PPRC1: variants seen among roughly 807,000 people sequenced by gnomAD.
PPRC1 encodes peroxisome proliferator-activated receptor gamma coactivator-related protein 1.
Under a neutral mutation model 132.5 loss-of-function variants are expected in PPRC1, and 23 were observed. The observed-to-expected ratio is 0.17, with a 90% CI of 0.12 to 0.25. PPRC1 has a LOEUF of 0.25. PPRC1 is among the 10% of genes least tolerant of loss of function. PPRC1 has a pLI of 1.00. For missense variants in PPRC1, 2,006 were observed against 2,089.1 expected, an observed-to-expected ratio of 0.96 and a Z score of 0.78; for synonymous variants, 872 against 833.5, an observed-to-expected ratio of 1.05 and a Z score of -0.80.
At chr10:102,137,744 C>T (rs901218965) in intron 1 of PPRC1, 106 bp from the exon 2 acceptor site, 6 of 1,095,866 alleles carry the variant, frequency 5.5e-6, no homozygotes, top group Non-Finnish European at 7.7e-6. Context: ...GACAGTGTTG[C>T]TGCTGCTGAG....
chr10:102,149,557 C>T (rs952584465), intron 13 of PPRC1, among the ~76,000 whole-genome samples: 1 of 152,044 alleles, frequency 6.6e-6, no homozygotes, highest in Non-Finnish European at 1.5e-5. Context: ...ATGATGAAAC[C>T]CCATCTCTAC....
At position 102,146,787 on chromosome 10, in the gene PPRC1, T is replaced by C; in HGVS notation, c.3795T>C (p.Pro1265=). 6.2e-7 allele frequency: 1 copy of C among 1,613,860 alleles called. No individual in the cohort carries two copies. The highest frequency in any genetic ancestry group is 1.1e-5 in the South Asian group (1 of 91,072). Residue 1265 remains proline (P), a synonymous_variant, in exon 9 of 14, where the codon CCT becomes CCC. Coordinates refer to ENST00000278070, the MANE Select transcript of PPRC1 (RefSeq NM_015062.5). Reference sequence around the variant, plus strand: ...CCGCCCAGGAGGGAACCCTGAAGCCTGAAGGAGTTACGGAGGCCAAACATC... The same window carrying C: ...CCGCCCAGGAGGGAACCCTGAAGCCCGAAGGAGTTACGGAGGCCAAACATC... ...KSTAQEGTLK[P]EGVTEAKHPA... is the part of the protein sequence containing the mutation.
At chr10:102,129,269 A>C (rs2068507647), upstream of PPRC1, among the ~76,000 whole-genome samples, 1 of 152,088 alleles carries the variant, frequency 6.6e-6, no homozygotes, top group Admixed American at 6.6e-5. Flanking sequence ...TAATCAGATG[A>C]GTCTTTGGCG....
chr10:102,130,474 G>A (rs558739368), upstream of PPRC1, among the ~76,000 whole-genome samples: 407 of 141,226 alleles, frequency 2.9e-3, 1 homozygote, highest in African/African-American at 0.01. Flanking sequence ...AGTGGCTCAC[G>A]CCCGTAATCC....
intron 7 of PPRC1, chr10:102,144,680 T>A (rs2069141367): frequency 6.5e-6 from 3 of 461,644 alleles, no homozygotes; most frequent in Non-Finnish European, 3.9e-6. Flanking sequence ...TAGGAGTCAT[T>A]TTTCATGTTC....
chr10:102,146,924 C>G lies in PPRC1; in HGVS notation c.3932C>G (p.Ala1311Gly). Residue 1311 changes from alanine (A) to glycine (G), a missense_variant, in exon 9 of 14, where the codon GCC (alanine) becomes GGC (glycine). Physicochemically the swap from Ala to Gly is moderately conservative, Grantham distance 60. This residue lies in a region of PPRC1 where 1,914 missense variants were observed against 1,917.2 expected (regional missense o/e 1.00). Coordinates refer to ENST00000278070, the MANE Select transcript of PPRC1 (RefSeq NM_015062.5). Reference sequence around the variant, plus strand: ...AGGACCCCCCCAAAAAAGATGCCTGCCCTAGTCATTCCAGAGGTGGGCTCC... The same window carrying G: ...AGGACCCCCCCAAAAAAGATGCCTGGCCTAGTCATTCCAGAGGTGGGCTCC... ...RSRTPPKKMP[A>G]LVIPEVGSRW... The G allele has an allele frequency of 1.2e-6, 2 of 1,614,106 alleles. No homozygotes were observed.
the PPRC1 span, among the ~76,000 whole-genome samples, chr10:102,123,397 A>AG: frequency 8.1e-5 from 12 of 147,712 alleles, no homozygotes; most frequent in East Asian, 2.0e-4. Context: ...GTCTATGTGG[A>AG]GGGGGGGTCT....
Position 102,137,833 on chromosome 10 carries a change from C to T in PPRC1, c.154-17C>T, listed in dbSNP as rs1372132677. Reference sequence around the variant, plus strand: ...GCCAGAGAGCTCATACCCTTCTCACCTTCTTCTCTGCTCCAGGTGCTGCTG... The same window carrying T: ...GCCAGAGAGCTCATACCCTTCTCACTTTCTTCTCTGCTCCAGGTGCTGCTG... On this transcript the variant is annotated splice_polypyrimidine_tract_variant and intron_variant, in intron 1 of 13. Coordinates refer to ENST00000278070, the MANE Select transcript of PPRC1 (RefSeq NM_015062.5). 1.9e-6 allele frequency: 3 copies of T among 1,610,886 alleles called. No individual in the cohort carries two copies. The highest frequency in any genetic ancestry group is 2.5e-6 in the Non-Finnish European group (3 of 1,178,554).
intron 7 of PPRC1, chr10:102,144,761 G>A (rs1156570069): frequency 1.9e-6 from 1 of 526,212 alleles, no homozygotes; most frequent in African/African-American, 1.9e-5. Context: ...GAGCTGGGCA[G>A]GTGAGACTCG....
In PPRC1 at chr10:102,147,312, ATCTTCCTCATCCTCATCATCG is replaced by A; in HGVS notation, c.4333_4353del (p.Ser1445_Ser1451del). The A allele has an allele frequency of 5.0e-6, 8 of 1,612,448 alleles. No homozygotes were observed. Among genetic ancestry groups the A allele is most frequent in the Non-Finnish European group, 6.8e-6 (8 of 1,180,016 alleles). On this transcript the variant is annotated inframe_deletion, in exon 9 of 14. Transcript: ENST00000278070. ...CTGGGTCCAACCGGACTAGCGAAGC[ATCTTCCTCATCCTCATCATCG>A]TCTTCCTCATCCCGATCTCGGTCCA...
At position 102,139,123 on chromosome 10, in the gene PPRC1, C is replaced by T. The variant is rs373045453; in HGVS notation, c.615C>T (p.Pro205=). The T allele has an allele frequency of 5.6e-6, 9 of 1,610,608 alleles. No homozygotes were observed. In the African/African-American group the frequency reaches 8.0e-5, roughly 14 times the overall value. ...AGGTTGAAATGTCTCTTCCAGATCC[C>T]TCTTGGGACTTCTCCCCACCCTCTT... ...GSGVEMSLPD[P]SWDFSPPSFL... The change falls in exon 5 of 14, where the codon CCC becomes CCT. Residue 205 remains proline (P), a synonymous_variant. Transcript: ENST00000278070.
At position 102,145,024 on chromosome 10, in the gene PPRC1, G is replaced by A. The variant is rs757322330; in HGVS notation, c.3613G>A (p.Val1205Ile). Residue 1205 changes from valine (V) to isoleucine (I), a missense_variant, in exon 8 of 14, where the codon GTT (valine) becomes ATT (isoleucine). By Grantham distance (29) the Val-to-Ile change is conservative. This residue lies in a region of PPRC1 where 1,914 missense variants were observed against 1,917.2 expected (regional missense o/e 1.00). Coordinates refer to ENST00000278070, the MANE Select transcript of PPRC1 (RefSeq NM_015062.5). ...DSLAVGNSGG[V>I]DIPQEKRPLD... ...TCCCTTTTCCCCCCCCGCCAGCGGC[G>A]TTGACATTCCCCAGGAGAAGAGGCC... is the stretch of plus-strand genomic sequence containing the variant. The A allele has an allele frequency of 2.0e-5, 32 of 1,601,066 alleles. No individual in the cohort carries two copies. The East Asian group carries it at 3.4e-4, about 17-fold the overall frequency.
In PPRC1 at chr10:102,133,115, G is replaced by A. The variant is rs566049077; in HGVS notation, c.47G>A (p.Ser16Asn). ...GRRDGVAPPP[S>N]GGPGPDPGGG... is the part of the protein sequence containing the mutation. Reference sequence around the variant, plus strand: ...AGAGACGGAGTCGCGCCGCCCCCGAGTGGGGGCCCCGGTCCGGACCCTGGC... The same window carrying A: ...AGAGACGGAGTCGCGCCGCCCCCGAATGGGGGCCCCGGTCCGGACCCTGGC... Residue 16 changes from serine (S) to asparagine (N), a missense_variant, in exon 1 of 14, where the codon AGT becomes AAT. Coordinates refer to ENST00000278070, the MANE Select transcript of PPRC1 (RefSeq NM_015062.5). 1.1e-5 allele frequency: 14 copies of A among 1,246,496 alleles called. No individual in the cohort carries two copies. The South Asian group carries it at 4.1e-4, about 36-fold the overall frequency. The allele number at this position is 1,246,496 out of a possible 1,614,324, so 77.2% of individuals were successfully genotyped here.
the PPRC1 span, among the ~76,000 whole-genome samples, chr10:102,122,883 T>C: frequency 3.3e-5 from 5 of 152,312 alleles, no homozygotes; most frequent in South Asian, 1.0e-3. Context: ...TCATTTACCT[T>C]TCATGAGGAC....
chr10:102,133,148 C>G lies in PPRC1; in HGVS notation c.80C>G (p.Ala27Gly). 8.0e-7 allele frequency: 1 copy of G among 1,257,820 alleles called. No individual in the cohort carries two copies. 77.9% of individuals were successfully genotyped at this position (1,257,820 alleles called of 1,614,324 possible). ...CCCGGTCCGGACCCTGGCGGGGGAG[C>G]CCGCGGCAGTGGTTGGGGAAGTCGA... Reference protein sequence around the residue: ...GGPGPDPGGGARGSGWGSRSQ... With the variant: ...GGPGPDPGGGGRGSGWGSRSQ... The change falls in exon 1 of 14, where the codon GCC (alanine) becomes GGC (glycine). Residue 27 changes from alanine to glycine, a missense_variant. Ala to Gly is a moderately conservative substitution (Grantham distance 60). This residue lies in a region of PPRC1 where 1,914 missense variants were observed against 1,917.2 expected (regional missense o/e 1.00). Coordinates refer to ENST00000278070, the MANE Select transcript of PPRC1 (RefSeq NM_015062.5).
At chr10:102,144,939 C>G (rs2069153399) in intron 7 of PPRC1, 81 bp from the exon 8 acceptor site, 8 of 1,086,576 alleles carry the variant, frequency 7.4e-6, no homozygotes, top group Non-Finnish European at 1.1e-5. Context: ...CCCACCCCCT[C>G]CCATTGATTT....
chr10:102,142,139 G>A (rs1454178577), intron 5 of PPRC1, 135 bp downstream of exon 5: 2 of 1,053,636 alleles, frequency 1.9e-6, no homozygotes, highest in African/African-American at 3.2e-5. Flanking sequence ...TTGAGATGGA[G>A]TCTTGCTCTG....
rs754220324 is a variant in PPRC1 at position 102,141,947 on chromosome 10, C to T, written c.3439C>T (p.Pro1147Ser). 6 of 1,614,000 alleles carry T rather than the reference C, an allele frequency of 3.7e-6. No homozygotes were observed. Among genetic ancestry groups the T allele is most frequent in the Non-Finnish European group, 5.1e-6 (6 of 1,179,912 alleles). ...PARLRKLSFL[P>S]TPRTQGSEDV... ...CCGTCTAAGGAAGCTGTCCTTCCTG[C>T]CTACCCCACGTACTCAGGGTTCTGA... Residue 1147 changes from proline (P) to serine (S), a missense_variant, in exon 5 of 14, where the codon CCT becomes TCT. Physicochemically the swap from Pro to Ser is moderately conservative, Grantham distance 74. This residue lies in a region of PPRC1 where 1,914 missense variants were observed against 1,917.2 expected (regional missense o/e 1.00). Transcript: ENST00000278070.
chr10:102,142,140 T>C, intron 5 of PPRC1, 136 bp downstream of exon 5: 3 of 971,956 alleles, frequency 3.1e-6, no homozygotes, highest in Non-Finnish European at 4.4e-6. Flanking sequence ...TGAGATGGAG[T>C]CTTGCTCTGT....
Sources: allele counts gnomAD v4.1 joint callset (sites outside exome capture counted in the v4.1 genomes callset), GRCh38; gene constraint gnomAD v4.1.1; regional missense constraint gnomAD v4.1.1; transcripts MANE v1.5; gene names NCBI Gene and HGNC (gene_info 2026-07-23, HGNC 2026-07-21).